Variants in POU6F2 observed in about 807,000 individuals in gnomAD.
The protein encoded by POU6F2 is POU domain, class 6, transcription factor 2.
POU6F2 carries 31 observed loss-of-function variants against 71.3 expected under a neutral mutation model. The observed-to-expected ratio is 0.43, with a 90% CI of 0.33 to 0.59. POU6F2 has a LOEUF of 0.59. Ranked by LOEUF, POU6F2 falls within the 20% of genes least tolerant of loss-of-function variation. The probability of loss-of-function intolerance (pLI) is 0.04; values close to 1 mark genes in which losing one functional copy is unlikely to be tolerated. For synonymous variants in POU6F2, 347 were observed against 355.7 expected (o/e 0.98, Z 0.27); for missense variants, 783 against 856.8 (o/e 0.91, Z 1.07).
chr7:39,349,990 C>T (rs577313979), intron 5 of POU6F2, among the ~76,000 whole-genome samples: 1 of 152,290 alleles, frequency 6.6e-6, no homozygotes, highest in African/African-American at 2.4e-5. Context: ...ATGAATGCAG[C>T]AGTGGAGGGG....
intron 4 of POU6F2, among the ~76,000 whole-genome samples, chr7:39,208,987 A>C (rs1455992915): frequency 6.6e-6 from 1 of 152,208 alleles, no homozygotes; most frequent in African/African-American, 2.4e-5. Context: ...AATAAACATA[A>C]GCTCAAAGAG....
intron 2 of POU6F2, among the ~76,000 whole-genome samples, chr7:39,142,404 T>A (rs1200153527): frequency 6.6e-6 from 1 of 152,214 alleles, no homozygotes; most frequent in Non-Finnish European, 1.5e-5. Flanking sequence ...GGTAATGAAC[T>A]GCTGAAAATT....
intron 4 of POU6F2, among the ~76,000 whole-genome samples, chr7:39,272,932 C>A (rs1236393992): frequency 2.0e-5 from 3 of 152,066 alleles, no homozygotes; most frequent in Non-Finnish European, 4.4e-5. Context: ...TTCCAGAATT[C>A]CTTGATAATG....
At chr7:39,169,157 T>G (rs1793168408) in intron 2 of POU6F2, among the ~76,000 whole-genome samples, 1 of 152,192 alleles carries the variant, frequency 6.6e-6, no homozygotes, top group African/African-American at 2.4e-5. Flanking sequence ...AGTAGGAAAG[T>G]TTTATTTTGT....
chr7:39,467,253 A>C lies in POU6F2; in HGVS notation c.*2567A>C, dbSNP rs541996874. ...AATGCTTCTTATATTAATTTTTTAC[A>C]GATAAATTTTTTGCTACAAGGCATA... On this transcript the variant is annotated 3_prime_UTR_variant, in exon 10 of 10. Transcript: ENST00000518318. 7 of 152,318 alleles carry C rather than the reference A, an allele frequency of 4.6e-5. No homozygotes were observed. Among genetic ancestry groups the C allele is most frequent in the African/African-American group, 1.4e-4 (6 of 41,580 alleles). 9.4% of individuals were successfully genotyped at this position (152,318 alleles called of 1,614,324 possible). A position where few individuals can be genotyped will look rare whatever the true frequency, so the allele number is the denominator to read the frequency against.
At chr7:39,116,539 T>C (rs528716331) in intron 2 of POU6F2, among the ~76,000 whole-genome samples, 2 of 152,332 alleles carry the variant, frequency 1.3e-5, no homozygotes, top group African/African-American at 4.8e-5. Context: ...TCCTGTTTTG[T>C]AGATAAGAAA....
chr7:38,979,607 CTCA>C (rs1788266244), intron 1 of POU6F2, among the ~76,000 whole-genome samples: 1 of 152,068 alleles, frequency 6.6e-6, no homozygotes, highest in Admixed American at 6.5e-5. Context: ...AATGTAAGTA[CTCA>C]CTGACGAGCA....
intron 2 of POU6F2, among the ~76,000 whole-genome samples, chr7:39,107,915 G>C (rs1384996144): frequency 6.6e-6 from 1 of 152,122 alleles, no homozygotes; most frequent in Non-Finnish European, 1.5e-5. Context: ...CCCTTCCTTT[G>C]ACAAAACCCA....
intron 2 of POU6F2, among the ~76,000 whole-genome samples, chr7:39,136,136 A>G (rs908692918): frequency 6.6e-6 from 1 of 152,248 alleles, no homozygotes; most frequent in African/African-American, 2.4e-5. Flanking sequence ...GCATGGGAGT[A>G]CTGTAAAATA....
chr7:39,442,710 C>T (rs942240450), intron 7 of POU6F2, among the ~76,000 whole-genome samples: 2 of 152,190 alleles, frequency 1.3e-5, no homozygotes, highest in Admixed American at 1.3e-4. Context: ...CAACTATGTT[C>T]AAAATTATCT....
intron 1 of POU6F2, among the ~76,000 whole-genome samples, chr7:39,082,811 C>CAT (rs1382903056): frequency 6.7e-6 from 1 of 149,898 alleles, no homozygotes; most frequent in Non-Finnish European, 1.5e-5. Context: ...CACACACACA[C>CAT]ACACACACAC....
chr7:39,105,982 G>T (rs1791676267), intron 2 of POU6F2, among the ~76,000 whole-genome samples: 1 of 152,130 alleles, frequency 6.6e-6, no homozygotes, highest in South Asian at 2.1e-4. Context: ...TAAGCTCAGT[G>T]CTTGTAACCA....
chr7:38,981,971 C>T (rs57126589), intron 1 of POU6F2, among the ~76,000 whole-genome samples: 7,207 of 152,142 alleles, frequency 0.047, 369 homozygotes, highest in East Asian at 0.24. Flanking sequence ...TTATACCATC[C>T]CTTGTTCCAA....
At chr7:39,134,369 G>A (rs1179293350) in intron 2 of POU6F2, among the ~76,000 whole-genome samples, 1 of 152,164 alleles carries the variant, frequency 6.6e-6, no homozygotes, top group East Asian at 1.9e-4. Context: ...AGTGGGACCA[G>A]CAACCTTCTT....
chr7:39,275,073 A>C (rs1784411019), intron 4 of POU6F2, among the ~76,000 whole-genome samples: 1 of 151,884 alleles, frequency 6.6e-6, no homozygotes, highest in Non-Finnish European at 1.5e-5. Flanking sequence ...GGAGAAGGAA[A>C]TAAAGGGTAT....
chr7:39,214,371 C>G (rs916834591), intron 4 of POU6F2, among the ~76,000 whole-genome samples: 2 of 152,160 alleles, frequency 1.3e-5, no homozygotes, highest in African/African-American at 4.8e-5. Context: ...CCCTTACTCG[C>G]TTTCTGCATT....
At chr7:39,169,484 A>C (rs895182753) in intron 2 of POU6F2, among the ~76,000 whole-genome samples, 12 of 152,260 alleles carry the variant, frequency 7.9e-5, no homozygotes, top group Non-Finnish European at 1.3e-4. Context: ...AAGGGAATAG[A>C]GTTAACCTGT....
At position 39,254,198 on chromosome 7, in the gene POU6F2, G is replaced by A. The variant is rs1050440934; in HGVS notation, c.598+46578G>A. Among the ~76,000 whole-genome samples, 143 of 152,218 alleles carry A rather than the reference G, an allele frequency of 9.4e-4. 1 individual carries two copies. Among genetic ancestry groups the A allele is most frequent in the Non-Finnish European group, 2.9e-4 (20 of 68,036 alleles). ...ATAAAAAGGCTCACAAATATTTGCA[G>A]AAAAGCTGGAAGACTGAGTAATTTG... On this transcript the variant is annotated intron_variant, in intron 4 of 9. Transcript: ENST00000518318.
intron 1 of POU6F2, among the ~76,000 whole-genome samples, chr7:39,032,251 G>C (rs1789961077): frequency 6.6e-6 from 1 of 152,130 alleles, no homozygotes; most frequent in African/African-American, 2.4e-5. Context: ...AAAACCAAAT[G>C]GTGGGAGGGA....
Sources: gnomAD v4.1 joint callset for allele counts (sites outside exome capture counted in the v4.1 genomes callset) on GRCh38, gnomAD v4.1.1 for gene constraint, MANE v1.5 for transcripts, NCBI Gene and HGNC (gene_info 2026-07-23, HGNC 2026-07-21) for gene names.